Variants in HMG20B observed in about 807,000 individuals in gnomAD.
HMG20B encodes the protein high mobility group 20B, also known as SWI/SNF-related matrix-associated actin-dependent regulator of chromatin subfamily E member 1-related.
A neutral mutation model predicts 41.6 loss-of-function variants in HMG20B; 24 were observed. That is an observed-to-expected ratio of 0.58 (90% CI 0.42 to 0.81). HMG20B has a LOEUF of 0.81. HMG20B is among the 30% of genes least tolerant of loss of function. The pLI is 0.00. For missense variants in HMG20B, 461 were observed against 444.0 expected (o/e 1.04, Z -0.34); for synonymous variants, 251 against 186.6 (o/e 1.34, Z -2.81).
rs1441833756 is a variant in HMG20B, at chr19:3,573,324, C to T, written c.15C>T (p.Pro5=). The T allele has an allele frequency of 1.3e-6, 2 of 1,534,286 alleles. No homozygotes were observed. Among genetic ancestry groups the T allele is most frequent in the South Asian group, 2.4e-5 (2 of 83,166 alleles). Residue 5 remains proline, a synonymous_variant, in exon 2 of 10, where the codon CCC becomes CCT. Coordinates refer to ENST00000333651, the MANE Select transcript of HMG20B (RefSeq NM_006339.3). MSHG[P]KQPGAAAAPA... ...CCGGAGCGGCCATGTCCCACGGCCC[C>T]AAGCAGCCCGGCGCGGCCGCCGCGT...
chr19:3,576,003 G>T (rs2032153906), intron 5 of HMG20B: 1 of 573,442 alleles, frequency 1.7e-6, no homozygotes, highest in African/African-American at 1.9e-5. Flanking sequence ...GCGAGCAGTT[G>T]GGGTCCTGCT....
At chr19:3,574,679 TTC>T in intron 4 of HMG20B, 93 bp downstream of exon 4, 2 of 1,207,838 alleles carry the variant, frequency 1.7e-6, no homozygotes, top group South Asian at 3.1e-5. Flanking sequence ...TGCAGGGTTT[TTC>T]CTTCTTCCTG....
chr19:3,577,065 C>T lies in HMG20B; in HGVS notation c.766C>T (p.Arg256Cys), dbSNP rs1338747106. ...GCTGCAGCAGCAGCTCCAGGCCGTG[C>T]GCCAGGCGCTCACCGCCAGCTTCGC... is the stretch of plus-strand genomic sequence containing the variant. ...LALQQQLQAVRQALTASFASL... is the reference protein window; with the variant it reads ...LALQQQLQAVCQALTASFASL... Residue 256 changes from arginine to cysteine, a missense_variant, in exon 8 of 10, where the codon CGC becomes TGC. Physicochemically the swap from Arg to Cys is radical, Grantham distance 180. Coordinates refer to ENST00000333651, the MANE Select transcript of HMG20B (RefSeq NM_006339.3). 2 of 1,543,130 alleles carry T rather than the reference C, an allele frequency of 1.3e-6. No individual in the cohort carries two copies. Among genetic ancestry groups the T allele is most frequent in the Non-Finnish European group, 1.7e-6 (2 of 1,145,434 alleles).
chr19:3,573,795 G>T lies in HMG20B; in HGVS notation c.142G>T (p.Glu48Ter). Residue 48 changes from glutamate (E) to a stop codon, truncating the protein, a stop_gained, in exon 3 of 10, where the codon GAG becomes TAG. Coordinates refer to ENST00000333651, the MANE Select transcript of HMG20B (RefSeq NM_006339.3). LOFTEE classifies it high-confidence loss of function. ...CGCGGGCGAGAAGGGGTCCCACGAG[G>T]AGGAGGTGAGAGTCCCTGCGCTGAG... ...PRAGEKGSHE[E>*]EPVKKRGWPK... 1 of 1,582,652 alleles carries T rather than the reference G, an allele frequency of 6.3e-7. No homozygotes were observed. The highest frequency in any genetic ancestry group is 8.6e-7 in the Non-Finnish European group (1 of 1,168,394).
chr19:3,577,378 C>A (rs937831209), intron 8 of HMG20B, among the ~76,000 whole-genome samples: 17 of 149,426 alleles, frequency 1.1e-4, no homozygotes, highest in African/African-American at 4.2e-4. Context: ...TCGGCCGGCT[C>A]CCTGACCTCG....
intron 9 of HMG20B, 138 bp from the exon 10 acceptor site, chr19:3,578,371 G>C: frequency 7.6e-7 from 1 of 1,307,662 alleles, no homozygotes; most frequent in South Asian, 1.6e-5. Context: ...GCCCGGGTTA[G>C]ATAGGTTCAA....
At chr19:3,576,004 G>T in intron 5 of HMG20B, 2 of 575,716 alleles carry the variant, frequency 3.5e-6, no homozygotes, top group East Asian at 5.7e-5. Context: ...CGAGCAGTTG[G>T]GGTCCTGCTC....
At position 3,578,500 on chromosome 19, in the gene HMG20B, TCG is replaced by T; in HGVS notation, c.942-8_942-7del. The T allele has an allele frequency of 6.5e-7, 1 of 1,543,614 alleles. No individual in the cohort carries two copies. Among genetic ancestry groups the T allele is most frequent in the Non-Finnish European group, 8.7e-7 (1 of 1,144,840 alleles). ...GGGCCTCATCCCGGGCCCTCCTCTC[TCG>T]TTTCAGCGAGCACCTGTGAGGAGTG... On this transcript the variant is annotated splice_region_variant and splice_polypyrimidine_tract_variant and intron_variant, in intron 9 of 9. Transcript: ENST00000333651.
At position 3,574,587 on chromosome 19, in the gene HMG20B, G is replaced by A; in HGVS notation, c.351+1G>A. The A allele has an allele frequency of 6.3e-7, 1 of 1,591,788 alleles. No individual in the cohort carries two copies. The highest frequency in any genetic ancestry group is 8.5e-7 in the Non-Finnish European group (1 of 1,171,896). ...CAAGCTGCAGCCAACGGAAAAGCAG[G>A]TGGGCGGGGCGGGGCGCCGAGCAGG... On this transcript the variant is annotated splice_donor_variant, in intron 4 of 9. Transcript: ENST00000333651. LOFTEE classifies it high-confidence loss of function.
At chr19:3,577,920 C>T (rs1477317069) in intron 8 of HMG20B, 61 bp from the exon 9 acceptor site, 8 of 1,479,888 alleles carry the variant, frequency 5.4e-6, no homozygotes, top group Middle Eastern at 2.3e-4. Context: ...ACCGCTGCCC[C>T]TGGAGCCCCC....
chr19:3,576,247 C>T lies in HMG20B; in HGVS notation c.473-14C>T. 2 of 1,613,438 alleles carry T rather than the reference C, an allele frequency of 1.2e-6. No individual in the cohort carries two copies. Among genetic ancestry groups the T allele is most frequent in the Admixed American group, 1.7e-5 (1 of 60,012 alleles). Reference sequence around the variant, plus strand: ...GCCTGGGAGGCTGACCCTGCCCTTCCCCTCCCCCGCCAGAAGACTCGAGCT... The same window carrying T: ...GCCTGGGAGGCTGACCCTGCCCTTCTCCTCCCCCGCCAGAAGACTCGAGCT... On this transcript the variant is annotated splice_polypyrimidine_tract_variant and intron_variant, in intron 5 of 9. Coordinates refer to ENST00000333651, the MANE Select transcript of HMG20B (RefSeq NM_006339.3).
At position 3,578,811 on chromosome 19, in the gene HMG20B, C is replaced by T. The variant is rs772819890; in HGVS notation, c.*290C>T. 5 of 703,600 alleles carry T rather than the reference C, an allele frequency of 7.1e-6. No individual in the cohort carries two copies. Among genetic ancestry groups the T allele is most frequent in the Non-Finnish European group, 1.3e-5 (5 of 383,446 alleles). 43.6% of individuals were successfully genotyped at this position (703,600 alleles called of 1,614,324 possible). On this transcript the variant is annotated 3_prime_UTR_variant, in exon 10 of 10. Coordinates refer to ENST00000333651, the MANE Select transcript of HMG20B (RefSeq NM_006339.3). The stretch of plus-strand genomic sequence containing the variant: ...CACGCGCTACACTGGCTCTCCGGGC[C>T]ACCCCCAGGACACAGGGCAGACGAA...
Position 3,578,190 on chromosome 19 carries a change from G to C in HMG20B, c.941+77G>C, listed in dbSNP as rs75254268. The C allele has an allele frequency of 2.6e-4, 405 of 1,554,772 alleles. 1 individual carries two copies. The African/African-American group carries it at 4.9e-3, about 19-fold the overall frequency. On this transcript the variant is annotated intron_variant, in intron 9 of 9. Coordinates refer to ENST00000333651, the MANE Select transcript of HMG20B (RefSeq NM_006339.3). ...CCGCCCTGGGGTTCCCCAGGTCCGCGAGGGCTGCTGGGTGGGACTCCGCAG... is the reference window on the plus strand; with the variant it reads ...CCGCCCTGGGGTTCCCCAGGTCCGCCAGGGCTGCTGGGTGGGACTCCGCAG...
intron 2 of HMG20B, 50 bp from the exon 3 acceptor site, chr19:3,573,642 G>A (rs1165132902): frequency 3.2e-5 from 46 of 1,428,866 alleles, no homozygotes; most frequent in Non-Finnish European, 3.9e-5. Flanking sequence ...GGGCTTTTGG[G>A]GGAGGGGAGA....
In HMG20B at chr19:3,575,600, C is replaced by A; in HGVS notation, c.412C>A (p.Gln138Lys). The change falls in exon 5 of 10, where the codon CAG (glutamine) becomes AAG (lysine). Residue 138 changes from glutamine to lysine, a missense_variant. Around this residue, in one of 3 missense-constraint regions of HMG20B, gnomAD observed 308 missense variants for 283.4 expected, o/e 1.09. Coordinates refer to ENST00000333651, the MANE Select transcript of HMG20B (RefSeq NM_006339.3). ...QQYMKELRAY[Q>K]QSEAYKMCTE... ...GTACATGAAGGAGCTGCGGGCGTAC[C>A]AGCAGTCTGAAGCCTATAAGATGTG... is the stretch of plus-strand genomic sequence containing the variant. The A allele has an allele frequency of 6.4e-7, 1 of 1,554,010 alleles. No homozygotes were observed. The highest frequency in any genetic ancestry group is 8.7e-7 in the Non-Finnish European group (1 of 1,148,686).
intron 3 of HMG20B, chr19:3,574,071 T>TG: frequency 1.6e-6 from 1 of 642,806 alleles, no homozygotes; most frequent in Non-Finnish European, 2.8e-6. Context: ...CCCTTGGTCC[T>TG]GTGGGCCCGT....
In HMG20B at chr19:3,577,001, G is replaced by A. The variant is rs773948271; in HGVS notation, c.702G>A (p.Leu234=). 1.3e-6 allele frequency: 2 copies of A among 1,561,118 alleles called. No homozygotes were observed. Among genetic ancestry groups the A allele is most frequent in the South Asian group, 1.2e-5 (1 of 84,738 alleles). The change falls in exon 8 of 10, where the codon CTG becomes CTA. Residue 234 remains leucine, a synonymous_variant. Coordinates refer to ENST00000333651, the MANE Select transcript of HMG20B (RefSeq NM_006339.3). ...TQSMSSARER[L]EQELALEERR... ...GCATGAGCAGCGCGCGCGAGCGTCT[G>A]GAGCAGGAGCTGGCGCTGGAGGAGC... is the stretch of plus-strand genomic sequence containing the variant.
intron 3 of HMG20B, 175 bp downstream of exon 3, chr19:3,573,975 T>C: frequency 1.4e-6 from 1 of 717,770 alleles, no homozygotes; most frequent in Non-Finnish European, 2.5e-6. Flanking sequence ...TCTGCCACTC[T>C]AAGTCCAGGC....
At chr19:3,575,410 C>T in intron 4 of HMG20B, 130 bp from the exon 5 acceptor site, 1 of 1,441,322 alleles carries the variant, frequency 6.9e-7, no homozygotes, top group Admixed American at 2.3e-5. Flanking sequence ...CCGGTTCTGT[C>T]TGCCTGGAGG....
Sources: gnomAD v4.1 joint callset for allele counts (sites outside exome capture counted in the v4.1 genomes callset) on GRCh38, gnomAD v4.1.1 for gene constraint, gnomAD v4.1.1 regional missense constraint, MANE v1.5 for transcripts, NCBI Gene and HGNC (gene_info 2026-07-23, HGNC 2026-07-21) for gene names.